ATR: variants seen among roughly 807,000 people sequenced by gnomAD.
ATR encodes ATR checkpoint kinase, also known as serine/threonine-protein kinase ATR.
Under a neutral mutation model 305.3 loss-of-function variants are expected in ATR, and 142 were observed. That is an observed-to-expected ratio of 0.47 (90% CI 0.41 to 0.53). ATR has a LOEUF of 0.53. Ranked by LOEUF, ATR falls within the 20% of genes least tolerant of loss-of-function variation. ATR has a pLI of 0.00. For missense variants in ATR, 2,135 were observed against 3,133.1 expected (o/e 0.68, Z 7.60); for synonymous variants, 1,050 against 1,068.1 (o/e 0.98, Z 0.33).
At chr3:142,507,550 C>A (rs2032320256) in intron 28 of ATR, among the ~76,000 whole-genome samples, 1 of 152,236 alleles carries the variant, frequency 6.6e-6, no homozygotes, top group South Asian at 2.1e-4. Context: ...CTTTCCTCTA[C>A]CATTCCAAAA....
chr3:142,538,903 A>G (rs1017368600), intron 18 of ATR, among the ~76,000 whole-genome samples: 10 of 152,188 alleles, frequency 6.6e-5, no homozygotes, highest in African/African-American at 2.2e-4. Context: ...CAGAGGGTGG[A>G]TATACAAAAA....
At chr3:142,565,225 T>A (rs567904745) in intron 3 of ATR, among the ~76,000 whole-genome samples, 33 of 152,050 alleles carry the variant, frequency 2.2e-4, no homozygotes, top group South Asian at 1.0e-3. Context: ...GAACACTTAG[T>A]ACTAAGAGAG....
chr3:142,548,060 G>A (rs2034338936), intron 15 of ATR, 150 bp from the exon 16 acceptor site: 2 of 703,530 alleles, frequency 2.8e-6, no homozygotes. Context: ...CATTGGAAAA[G>A]ATTCTAATCT....
chr3:142,541,855 A>G (rs746005413), intron 17 of ATR, among the ~76,000 whole-genome samples: 8 of 151,366 alleles, frequency 5.3e-5, no homozygotes, highest in Non-Finnish European at 1.2e-4. Flanking sequence ...ATGGTAACAT[A>G]TGTCTTTCTT....
chr3:142,538,491 A>G lies in ATR; in HGVS notation c.3716T>C (p.Ile1239Thr). The part of the protein sequence containing the change: ...ETAAIFHYLI[I>T]ENRDAVQDFL... ...ATTTCAGTTACAATACCTGTTTTCA[A>G]TTATGAGGTAGTGGAAGATAGCTGC... Residue 1239 changes from isoleucine to threonine, a missense_variant, in exon 19 of 47, where the codon ATT becomes ACT. Physicochemically the swap from Ile to Thr is moderately conservative, Grantham distance 89 (BLOSUM62 -1). Around this residue, in one of 9 missense-constraint regions of ATR, gnomAD observed 530 missense variants for 766.8 expected, o/e 0.69. Coordinates refer to ENST00000350721, the MANE Select transcript of ATR (RefSeq NM_001184.4). The G allele has an allele frequency of 6.2e-7, 1 of 1,612,414 alleles. No individual in the cohort carries two copies. The highest frequency in any genetic ancestry group is 8.5e-7 in the Non-Finnish European group (1 of 1,178,754).
At chr3:142,516,053 T>C (rs1410757393) in intron 24 of ATR, among the ~76,000 whole-genome samples, 1 of 152,220 alleles carries the variant, frequency 6.6e-6, no homozygotes, top group Non-Finnish European at 1.5e-5. Context: ...AAATCAATTA[T>C]TTAGACATCT....
chr3:142,537,458 C>T (rs1428649285), intron 19 of ATR, among the ~76,000 whole-genome samples: 1 of 151,760 alleles, frequency 6.6e-6, no homozygotes, highest in Non-Finnish European at 1.5e-5. Context: ...TGACTATGTA[C>T]AAAAAAATTT....
chr3:142,537,548 A>G (rs1351293616), intron 19 of ATR, among the ~76,000 whole-genome samples: 1 of 152,180 alleles, frequency 6.6e-6, no homozygotes, highest in African/African-American at 2.4e-5. Context: ...AAAAATATCA[A>G]AAATAAAAGT....
intron 10 of ATR, among the ~76,000 whole-genome samples, chr3:142,554,339 C>T (rs915159219): frequency 7.9e-5 from 12 of 152,048 alleles, no homozygotes; most frequent in African/African-American, 2.7e-4. Context: ...GTGATCCTCC[C>T]ACCTCAGCCT....
At chr3:142,494,846 T>A (rs1310352533) in intron 34 of ATR, among the ~76,000 whole-genome samples, 2 of 152,212 alleles carry the variant, frequency 1.3e-5, no homozygotes, top group Non-Finnish European at 2.9e-5. Context: ...ATGTGGATTT[T>A]AGAAAGATCA....
intron 16 of ATR, among the ~76,000 whole-genome samples, chr3:142,543,215 G>C (rs1388267312): frequency 6.6e-6 from 1 of 152,044 alleles, no homozygotes; most frequent in Non-Finnish European, 1.5e-5. Flanking sequence ...TCTGACATAG[G>C]GGATAATATC....
Position 142,544,914 on chromosome 3 carries a change from T to G in ATR, c.3358-2157A>C, listed in dbSNP as rs73864556. Among the ~76,000 whole-genome samples the G allele has an allele frequency of 9.8e-3, 1,490 of 152,332 alleles. 28 individuals are homozygous for G. The highest frequency in any genetic ancestry group is 0.034 in the African/African-American group (1,420 of 41,574). On this transcript the variant is annotated intron_variant, in intron 16 of 46. Coordinates refer to ENST00000350721, the MANE Select transcript of ATR (RefSeq NM_001184.4). Reference sequence around the variant, plus strand: ...GCATTTTGTTCTGCAAACTTCTGATTTAGGTTGAGACTCAACTTTGGCATG... The same window carrying G: ...GCATTTTGTTCTGCAAACTTCTGATGTAGGTTGAGACTCAACTTTGGCATG...
At chr3:142,526,956 T>C (rs2033420020) in intron 21 of ATR, among the ~76,000 whole-genome samples, 1 of 151,928 alleles carries the variant, frequency 6.6e-6, no homozygotes, top group Admixed American at 6.6e-5. Flanking sequence ...GCCTGGCTAA[T>C]TTTTGTATTT....
At position 142,556,441 on chromosome 3, in the gene ATR, CACTA is replaced by C; in HGVS notation, c.2016_2019del (p.Ser673AspfsTer20). On this transcript the variant is annotated frameshift_variant, in exon 9 of 47. Coordinates refer to ENST00000350721, the MANE Select transcript of ATR (RefSeq NM_001184.4). LOFTEE classifies it high-confidence loss of function. ...TGCTGCTGCAATAAGATAAAAAATC[CACTA>C]ACACAACTAGCCCGGATTACTTCAT... 6.2e-7 allele frequency: 1 copy of C among 1,614,026 alleles called. No individual in the cohort carries two copies. Among genetic ancestry groups the C allele is most frequent in the Non-Finnish European group, 8.5e-7 (1 of 1,179,980 alleles).
At position 142,549,504 on chromosome 3, in the gene ATR, A is replaced by G; in HGVS notation, c.3146T>C (p.Leu1049Ser). Reference protein sequence around the residue: ...HLVCSCSKDELERALHYLKNE... With the variant: ...HLVCSCSKDESERALHYLKNE... ...CTTCAGATAATGAAGGGCACGTTCT[A>G]ATTCATCTTTGGAACAAGAACAGAC... Residue 1049 changes from leucine (L) to serine (S), a missense_variant, in exon 15 of 47, where the codon TTA becomes TCA. This residue lies in a region of ATR where 530 missense variants were observed against 766.8 expected (regional missense o/e 0.69). Coordinates refer to ENST00000350721, the MANE Select transcript of ATR (RefSeq NM_001184.4). The G allele has an allele frequency of 6.2e-7, 1 of 1,603,352 alleles. No homozygotes were observed. The highest frequency in any genetic ancestry group is 8.5e-7 in the Non-Finnish European group (1 of 1,174,942).
intron 3 of ATR, among the ~76,000 whole-genome samples, chr3:142,563,849 T>C (rs2034968661): frequency 1.3e-5 from 2 of 152,198 alleles, no homozygotes; most frequent in Admixed American, 1.3e-4. Flanking sequence ...TTAAAAGTAC[T>C]ACTCCACTGA....
chr3:142,511,984 G>C (rs1012763128), intron 27 of ATR, among the ~76,000 whole-genome samples: 2 of 151,770 alleles, frequency 1.3e-5, no homozygotes, highest in Admixed American at 6.6e-5. Context: ...TGGGTGTGGT[G>C]GTGGGCACCT....
In ATR at chr3:142,554,024, C is replaced by T. The variant is rs748125009; in HGVS notation, c.2342-9G>A. ...TAGATTATCTATGAAAGCTGAAGGA[C>T]AAGAGTATACAATACCTAATTTAAC... is the stretch of plus-strand genomic sequence containing the variant. On this transcript the variant is annotated splice_polypyrimidine_tract_variant and intron_variant, in intron 10 of 46. Coordinates refer to ENST00000350721, the MANE Select transcript of ATR (RefSeq NM_001184.4). 1.3e-6 allele frequency: 2 copies of T among 1,583,466 alleles called. No homozygotes were observed. The highest frequency in any genetic ancestry group is 1.4e-5 in the African/African-American group (1 of 74,066).
At chr3:142,529,024 C>T (rs1255099749) in intron 21 of ATR, among the ~76,000 whole-genome samples, 1 of 149,940 alleles carries the variant, frequency 6.7e-6, no homozygotes, top group South Asian at 2.1e-4. Context: ...GCTGGGATTA[C>T]AGGTGCGCCA....
Sources: allele counts gnomAD v4.1 joint callset (sites outside exome capture counted in the v4.1 genomes callset), GRCh38; gene constraint gnomAD v4.1.1; regional missense constraint gnomAD v4.1.1; transcripts MANE v1.5; gene names NCBI Gene and HGNC (gene_info 2026-07-23, HGNC 2026-07-21).